Variants in CNTN5 observed in about 807,000 individuals in gnomAD.
CNTN5 encodes contactin-5.
CNTN5 carries 77 observed loss-of-function variants against 129.1 expected under a neutral mutation model. The ratio of observed to expected loss-of-function variants is 0.60; its 90% CI spans 0.50 to 0.72. CNTN5 has a LOEUF of 0.72. Ranked by LOEUF, CNTN5 falls within the 30% of genes least tolerant of loss-of-function variation. The pLI, the probability that CNTN5 is intolerant of heterozygous loss-of-function variation, is 0.00. For missense variants in CNTN5, 1,478 were observed against 1,328.8 expected (o/e 1.11, Z -1.75); for synonymous variants, 509 against 465.6 (o/e 1.09, Z -1.20).
intron 1 of CNTN5, among the ~76,000 whole-genome samples, chr11:99,213,237 T>C (rs1050507377): frequency 7.2e-6 from 1 of 139,108 alleles, no homozygotes; most frequent in East Asian, 2.0e-4. Context: ...ATATATTTTT[T>C]TCTATATGTA....
intron 3 of CNTN5, among the ~76,000 whole-genome samples, chr11:99,627,757 C>A (rs1440166319): frequency 1.3e-5 from 2 of 151,682 alleles, no homozygotes; most frequent in African/African-American, 4.9e-5. Flanking sequence ...CTGGGCCAGC[C>A]AGGCATTGAA....
chr11:100,114,662 C>T (rs551789772), intron 13 of CNTN5, among the ~76,000 whole-genome samples: 5 of 151,984 alleles, frequency 3.3e-5, no homozygotes, highest in Non-Finnish European at 5.9e-5. Context: ...CTGCTCACAA[C>T]TTAACTTGTC....
intron 2 of CNTN5, among the ~76,000 whole-genome samples, chr11:99,426,003 A>G (rs11827123): frequency 0.018 from 2,736 of 152,338 alleles, 72 homozygotes; most frequent in African/African-American, 0.061. Context: ...ATTACTACTG[A>G]TAACATATAC....
intron 2 of CNTN5, among the ~76,000 whole-genome samples, chr11:99,511,248 G>A (rs1204849272): frequency 2.0e-5 from 3 of 151,996 alleles, no homozygotes; most frequent in African/African-American, 7.3e-5. Context: ...TGGTGTCTTT[G>A]TTCTCGTTGG....
chr11:99,624,569 A>G (rs983521645), intron 3 of CNTN5, among the ~76,000 whole-genome samples: 4 of 152,188 alleles, frequency 2.6e-5, no homozygotes, highest in African/African-American at 9.6e-5. Flanking sequence ...ATATATTGCC[A>G]GAACAAGTTT....
intron 6 of CNTN5, among the ~76,000 whole-genome samples, chr11:99,897,278 G>A (rs141146891): frequency 3.7e-4 from 57 of 152,108 alleles, no homozygotes; most frequent in Admixed American, 1.2e-3. Context: ...GTAGATATTC[G>A]GATATGAGGA....
In CNTN5 at chr11:100,255,737, T is replaced by C. The variant is rs755600794; in HGVS notation, c.2006-23T>C. ...CCTGATAATAATTTGTGCTTAACTT[T>C]ATCCATTGCCTTTGACCTATAGGAC... On this transcript the variant is annotated intron_variant, in intron 16 of 24. Coordinates refer to ENST00000524871, the MANE Select transcript of CNTN5 (RefSeq NM_014361.4). The C allele has an allele frequency of 1.9e-6, 3 of 1,607,986 alleles. No individual in the cohort carries two copies. The East Asian group carries it at 6.7e-5, about 36-fold the overall frequency.
intron 21 of CNTN5, among the ~76,000 whole-genome samples, chr11:100,321,154 T>C (rs1055562305): frequency 1.3e-5 from 2 of 152,136 alleles, no homozygotes; most frequent in East Asian, 3.8e-4. Flanking sequence ...ACTATGGACA[T>C]TTTAACATTA....
intron 3 of CNTN5, among the ~76,000 whole-genome samples, chr11:99,665,478 A>ATTTTTTTTTTTTTTTTTTTTTTTTTT (rs34435537): frequency 3.0e-5 from 2 of 65,920 alleles, no homozygotes; most frequent in African/African-American, 5.1e-5. Flanking sequence ...TGAAACTACA[A>ATTTTTTTTTTTTTTTTTTTTTTTTTT]TTTTTTTTTT....
chr11:99,789,332 A>G (rs1402408864), intron 3 of CNTN5, among the ~76,000 whole-genome samples: 1 of 151,984 alleles, frequency 6.6e-6, no homozygotes, highest in East Asian at 1.9e-4. Context: ...TAGAGAGATT[A>G]AGTAACTTCT....
rs1017217495 is a variant in CNTN5 at position 99,652,470 on chromosome 11, C to T, written c.55+96201C>T. Among the ~76,000 whole-genome samples the T allele has an allele frequency of 4.6e-5, 7 of 151,952 alleles. No individual in the cohort carries two copies. In the South Asian group the frequency reaches 8.3e-4, roughly 18 times the overall value. On this transcript the variant is annotated intron_variant, in intron 3 of 24. Transcript: ENST00000524871. ...AGGTTCTCCCAACATTTAAAAGGAACGCTTTATAAGAGCTGTGTCCACCGG... is the reference window on the plus strand; with the variant it reads ...AGGTTCTCCCAACATTTAAAAGGAATGCTTTATAAGAGCTGTGTCCACCGG...
intron 3 of CNTN5, among the ~76,000 whole-genome samples, chr11:99,684,601 C>A (rs190510090): frequency 2.0e-5 from 3 of 151,944 alleles, no homozygotes; most frequent in African/African-American, 7.2e-5. Context: ...TTTTCACACA[C>A]CTTTTATAAG....
At chr11:99,805,353 A>G (rs1357903675) in intron 3 of CNTN5, among the ~76,000 whole-genome samples, 1 of 152,172 alleles carries the variant, frequency 6.6e-6, no homozygotes, top group Non-Finnish European at 1.5e-5. Flanking sequence ...TTACATAAAA[A>G]AGCCCGAAGG....
intron 3 of CNTN5, among the ~76,000 whole-genome samples, chr11:99,590,095 G>A (rs956107407): frequency 2.0e-5 from 3 of 152,110 alleles, no homozygotes; most frequent in Non-Finnish European, 4.4e-5. Context: ...AACATCATGA[G>A]CAGAGATGAA....
At chr11:99,545,032 C>A (rs1176498129) in intron 2 of CNTN5, among the ~76,000 whole-genome samples, 2 of 152,174 alleles carry the variant, frequency 1.3e-5, no homozygotes, top group African/African-American at 4.8e-5. Context: ...AAAATTCCAC[C>A]AGGGGATCTG....
intron 2 of CNTN5, among the ~76,000 whole-genome samples, chr11:99,328,870 C>CAAAAAAAAAAAAA (rs10542347): frequency 1.3e-4 from 11 of 87,628 alleles, no homozygotes; most frequent in Admixed American, 4.0e-4. Flanking sequence ...AACTCCATCT[C>CAAAAAAAAAAAAA]AAAAAAAAAA....
chr11:100,057,744 C>T (rs924368826), intron 9 of CNTN5, among the ~76,000 whole-genome samples: 4 of 151,890 alleles, frequency 2.6e-5, no homozygotes, highest in African/African-American at 7.3e-5. Context: ...TCTGAAGGTC[C>T]GTGCTCCTAA....
intron 6 of CNTN5, among the ~76,000 whole-genome samples, chr11:99,898,279 G>A (rs1234873845): frequency 3.3e-5 from 5 of 151,994 alleles, no homozygotes; most frequent in Middle Eastern, 3.2e-3. Context: ...TAAAAGGTTG[G>A]TTCTTTGAAA....
In CNTN5 at chr11:99,655,537, A is replaced by G. The variant is rs115396831; in HGVS notation, c.55+99268A>G. On this transcript the variant is annotated intron_variant, in intron 3 of 24. Transcript: ENST00000524871. ...AAGGTCCTAGGTCCATAGTCTTTTC[A>G]TAAAGGTCAGAATCTCTTTGGAAGC... Among the ~76,000 whole-genome samples, 341 of 152,248 alleles carry G rather than the reference A, an allele frequency of 2.2e-3. 1 individual carries two copies. Among genetic ancestry groups the G allele is most frequent in the African/African-American group, 7.5e-3 (311 of 41,560 alleles).
Sources: gnomAD v4.1 joint callset for allele counts (sites outside exome capture counted in the v4.1 genomes callset) on GRCh38, gnomAD v4.1.1 for gene constraint, MANE v1.5 for transcripts, NCBI Gene and HGNC (gene_info 2026-07-23, HGNC 2026-07-21) for gene names.